The following CRY1 variants were observed in gnomAD, a reference collection of about 807,000 sequenced individuals.
CRY1 encodes the protein cryptochrome circadian regulator 1.
CRY1 carries 45 observed loss-of-function variants against 76.0 expected under a neutral mutation model. The observed-to-expected ratio is 0.59, with a 90% CI of 0.47 to 0.76. CRY1 has a LOEUF of 0.76. CRY1 is among the 30% of genes least tolerant of loss of function. The pLI, the probability that CRY1 is intolerant of heterozygous loss-of-function variation, is 0.00. For synonymous variants in CRY1, 248 were observed against 244.0 expected (o/e 1.02, Z -0.15); for missense variants, 587 against 716.4 (o/e 0.82, Z 2.06).
At chr12:107,062,325 A>C (rs925715643) in intron 1 of CRY1, among the ~76,000 whole-genome samples, 5 of 152,140 alleles carry the variant, frequency 3.3e-5, no homozygotes, top group African/African-American at 9.7e-5. Flanking sequence ...TTATAGTTTT[A>C]ATTATATTCA....
At chr12:107,091,162 C>A (rs1386496701) in intron 1 of CRY1, among the ~76,000 whole-genome samples, 1 of 152,016 alleles carries the variant, frequency 6.6e-6, no homozygotes, top group African/African-American at 2.4e-5. Context: ...GCCTCAGCCT[C>A]CTGAGTGGCT....
intron 5 of CRY1, 61 bp downstream of exon 5, chr12:107,001,219 A>AC: frequency 7.9e-7 from 1 of 1,263,356 alleles, no homozygotes; most frequent in African/African-American, 1.5e-5. Flanking sequence ...AGAGAGAAAA[A>AC]TTATTTTTTA....
rs1952285625 is a variant in CRY1, at chr12:106,999,983, A to G, written c.784T>C (p.Cys262Arg). 1.2e-6 allele frequency: 2 copies of G among 1,612,984 alleles called. No individual in the cohort carries two copies. Among genetic ancestry groups the G allele is most frequent in the Non-Finnish European group, 1.7e-6 (2 of 1,179,806 alleles). ...GTTAGTTTGAAGTAAAACAGTCGAC[A>G]TGACAAACAACCAAATCGGAGATAA... ...SPYLRFGCLS[C>R]RLFYFKLTDL... The change falls in exon 6 of 13, where the codon TGT becomes CGT. Residue 262 changes from cysteine to arginine, a missense_variant. By Grantham distance (180) the Cys-to-Arg change is radical (BLOSUM62 -3). Coordinates refer to ENST00000008527, the MANE Select transcript of CRY1 (RefSeq NM_004075.5).
chr12:107,078,702 CA>C (rs1396674926), intron 1 of CRY1, among the ~76,000 whole-genome samples: 1 of 152,134 alleles, frequency 6.6e-6, no homozygotes, highest in Non-Finnish European at 1.5e-5. Flanking sequence ...AGCAGTGCTT[CA>C]AATTGGTCAA....
intron 10 of CRY1, among the ~76,000 whole-genome samples, chr12:106,995,274 C>T (rs1952221668): frequency 6.6e-6 from 1 of 152,278 alleles, no homozygotes; most frequent in Non-Finnish European, 1.5e-5. Flanking sequence ...AATGTGAGTG[C>T]TTTTGTCCCC....
At chr12:107,036,883 C>A (rs1346292928) in intron 1 of CRY1, among the ~76,000 whole-genome samples, 1 of 152,106 alleles carries the variant, frequency 6.6e-6, no homozygotes, top group Admixed American at 6.6e-5. Context: ...CTCTCTCTGA[C>A]CATCTTATCT....
chr12:107,068,170 T>C (rs1953135570), intron 1 of CRY1, among the ~76,000 whole-genome samples: 1 of 152,194 alleles, frequency 6.6e-6, no homozygotes, highest in Non-Finnish European at 1.5e-5. Flanking sequence ...AGAGAGATCA[T>C]ATGGCCTGAA....
intron 2 of CRY1, 61 bp from the exon 3 acceptor site, chr12:107,005,309 A>G (rs900019861): frequency 6.6e-7 from 1 of 1,512,310 alleles, no homozygotes; most frequent in African/African-American, 1.4e-5. Context: ...TTCTATTATA[A>G]CGAAAAGTGA....
chr12:107,069,587 GTATATA>G (rs1200353934), intron 1 of CRY1, among the ~76,000 whole-genome samples: 1 of 40,402 alleles, frequency 2.5e-5, no homozygotes, highest in Non-Finnish European at 8.0e-5. Flanking sequence ...TATATATAAA[GTATATA>G]TATATAAAGT....
At chr12:107,080,576 G>A (rs557181004) in intron 1 of CRY1, among the ~76,000 whole-genome samples, 1 of 151,916 alleles carries the variant, frequency 6.6e-6, no homozygotes, top group South Asian at 2.1e-4. Context: ...GCGCTGGCAG[G>A]AAAGCACAGA....
intron 2 of CRY1, 53 bp from the exon 3 acceptor site, chr12:107,005,301 C>A: frequency 3.3e-6 from 5 of 1,513,082 alleles, no homozygotes; most frequent in South Asian, 1.3e-5. Context: ...GTTATTTTTT[C>A]TATTATAACG....
intron 10 of CRY1, among the ~76,000 whole-genome samples, chr12:106,996,771 C>T (rs1385511849): frequency 3.9e-5 from 6 of 152,268 alleles, no homozygotes; most frequent in Middle Eastern, 3.4e-3. Context: ...ATACTGAGTT[C>T]CTGAAATTAT....
chr12:107,084,158 C>T (rs1953364353), intron 1 of CRY1, among the ~76,000 whole-genome samples: 1 of 152,110 alleles, frequency 6.6e-6, no homozygotes, highest in African/African-American at 2.4e-5. Flanking sequence ...GAACTACAAA[C>T]CACTGCTCAA....
rs1334570120 is a variant in CRY1 at position 107,071,497 on chromosome 12, T to C, written c.158+21307A>G. On this transcript the variant is annotated intron_variant, in intron 1 of 12. Transcript: ENST00000008527. ...TAATTCTACACATTGTTTCCTCTTC[T>C]TTTATCATGTTTTAGAACAATTTAT... Among the ~76,000 whole-genome samples the C allele has an allele frequency of 2.0e-5, 3 of 152,208 alleles. No individual in the cohort carries two copies. The East Asian group carries it at 5.8e-4, about 29-fold the overall frequency.
chr12:107,009,884 G>A (rs571470535), intron 2 of CRY1, among the ~76,000 whole-genome samples: 2 of 151,872 alleles, frequency 1.3e-5, no homozygotes, highest in South Asian at 2.1e-4. Flanking sequence ...TGGTATCAGG[G>A]TTATGCTGTC....
intron 1 of CRY1, among the ~76,000 whole-genome samples, chr12:107,092,229 G>A (rs1344673802): frequency 6.6e-6 from 1 of 152,118 alleles, no homozygotes; most frequent in African/African-American, 2.4e-5. Context: ...ACTACAACTT[G>A]CCTAGAAAGA....
chr12:107,003,401 T>C (rs957681614), intron 3 of CRY1, among the ~76,000 whole-genome samples: 3 of 152,224 alleles, frequency 2.0e-5, no homozygotes, highest in Non-Finnish European at 4.4e-5. Context: ...CATCATTTTA[T>C]AGATGTGAAA....
At chr12:107,039,816 A>G (rs1435341187) in intron 1 of CRY1, among the ~76,000 whole-genome samples, 2 of 152,226 alleles carry the variant, frequency 1.3e-5, no homozygotes, top group Non-Finnish European at 2.9e-5. Flanking sequence ...CAAGGTTTTT[A>G]TCCAAAAGAA....
intron 2 of CRY1, among the ~76,000 whole-genome samples, chr12:107,017,156 C>T (rs964597937): frequency 3.3e-5 from 5 of 152,314 alleles, no homozygotes; most frequent in Admixed American, 1.3e-4. Flanking sequence ...TATTTCACTC[C>T]GAGTAAAGGC....
Sources: allele counts gnomAD v4.1 joint callset (sites outside exome capture counted in the v4.1 genomes callset), GRCh38; gene constraint gnomAD v4.1.1; transcripts MANE v1.5; gene names NCBI Gene and HGNC (gene_info 2026-07-23, HGNC 2026-07-21).